The following RANBP17 variants were observed in gnomAD, a reference collection of about 807,000 sequenced individuals.
RANBP17 encodes ran-binding protein 17.
A neutral mutation model predicts 141.2 loss-of-function variants in RANBP17; 158 were observed. That is an observed-to-expected ratio of 1.12 (90% CI 0.98 to 1.28). RANBP17 has a LOEUF of 1.28. Among genes scored for constraint, RANBP17 ranks in the 50% most tolerant of loss-of-function variants. The pLI, the probability that RANBP17 is intolerant of heterozygous loss-of-function variation, is 0.00. For missense variants in RANBP17, 1,438 were observed against 1,290.7 expected (o/e 1.11, Z -1.75); for synonymous variants, 430 against 450.0 (o/e 0.96, Z 0.56).
chr5:171,254,786 T>C (rs1324082390), intron 24 of RANBP17, among the ~76,000 whole-genome samples: 1 of 152,234 alleles, frequency 6.6e-6, no homozygotes, highest in Non-Finnish European at 1.5e-5. Flanking sequence ...GGATGTTCTT[T>C]ATTAAACTCT....
At chr5:170,931,263 A>AT (rs1232501518) in intron 12 of RANBP17, among the ~76,000 whole-genome samples, 1 of 151,480 alleles carries the variant, frequency 6.6e-6, no homozygotes, top group African/African-American at 2.4e-5. Flanking sequence ...GGGTTGTTTG[A>AT]TTTTTTCTTG....
At chr5:171,218,267 A>G (rs1763344489) in intron 21 of RANBP17, among the ~76,000 whole-genome samples, 1 of 152,050 alleles carries the variant, frequency 6.6e-6, no homozygotes, top group Admixed American at 6.6e-5. Flanking sequence ...GTTTGTTATG[A>G]TTTCTGTTCA....
chr5:171,126,750 A>G (rs1226823536), intron 14 of RANBP17, among the ~76,000 whole-genome samples: 1 of 152,192 alleles, frequency 6.6e-6, no homozygotes, highest in African/African-American at 2.4e-5. Context: ...CTGTACACAT[A>G]CAACTTACCA....
intron 14 of RANBP17, chr5:171,158,623 C>A (rs1437194911): frequency 5.9e-6 from 1 of 169,938 alleles, no homozygotes; most frequent in Non-Finnish European, 1.3e-5. Context: ...TTTGTTGTAA[C>A]CTTTTTTTTT....
intron 14 of RANBP17, among the ~76,000 whole-genome samples, chr5:171,110,463 T>C (rs924239106): frequency 6.6e-6 from 1 of 152,132 alleles, no homozygotes; most frequent in Non-Finnish European, 1.5e-5. Context: ...AGCCGTCATA[T>C]CTATCTTCCT....
At chr5:171,177,675 C>T (rs2166348) in intron 16 of RANBP17, among the ~76,000 whole-genome samples, 1 of 152,116 alleles carries the variant, frequency 6.6e-6, no homozygotes, top group South Asian at 2.1e-4. Context: ...TAGCTTAATC[C>T]TTAGTCCTTT....
rs1417380472 is a variant in RANBP17, at chr5:171,040,356, T to C, written c.1710+71979T>C. On this transcript the variant is annotated intron_variant, in intron 14 of 27. Transcript: ENST00000523189. Reference sequence around the variant, plus strand: ...AGTCTCAGAGTCAGAGCCAGGGACTTTCTTAAATAATTTTAGAGCTTTTAG... The same window carrying C: ...AGTCTCAGAGTCAGAGCCAGGGACTCTCTTAAATAATTTTAGAGCTTTTAG... Among the ~76,000 whole-genome samples the C allele has an allele frequency of 3.3e-5, 5 of 152,308 alleles. No individual in the cohort carries two copies. In the East Asian group the frequency reaches 9.6e-4, roughly 29 times the overall value.
chr5:170,959,735 A>G (rs1360597805), intron 13 of RANBP17, among the ~76,000 whole-genome samples: 1 of 152,258 alleles, frequency 6.6e-6, no homozygotes, highest in Non-Finnish European at 1.5e-5. Flanking sequence ...AAAGGAAGCT[A>G]GAGAAAAGAA....
chr5:171,130,450 T>TTTC (rs1432634670), intron 14 of RANBP17, among the ~76,000 whole-genome samples: 1 of 146,298 alleles, frequency 6.8e-6, no homozygotes, highest in Non-Finnish European at 1.5e-5. Flanking sequence ...TTTTTTTTTT[T>TTTC]TTTGAGACGG....
At chr5:171,000,734 G>T (rs1018617413) in intron 14 of RANBP17, among the ~76,000 whole-genome samples, 1 of 152,148 alleles carries the variant, frequency 6.6e-6, no homozygotes, top group African/African-American at 2.4e-5. Flanking sequence ...GATAGGCAGT[G>T]AGTTAGGAGC....
rs1466541143 is a variant in RANBP17 at position 171,187,500 on chromosome 5, A to G, written c.2038+4070A>G. Among the ~76,000 whole-genome samples the G allele has an allele frequency of 3.3e-5, 5 of 152,102 alleles. No individual in the cohort carries two copies. In the East Asian group the frequency reaches 9.6e-4, roughly 29 times the overall value. ...ACAATAAAACAAGGTATGCCTGTCT[A>G]TATACTTCAAAACATGTTGTATACA... On this transcript the variant is annotated intron_variant, in intron 18 of 27. Transcript: ENST00000523189.
chr5:171,290,066 C>T (rs557163887), intron 25 of RANBP17, among the ~76,000 whole-genome samples: 4 of 151,876 alleles, frequency 2.6e-5, no homozygotes, highest in African/African-American at 9.7e-5. Flanking sequence ...TACCGCCTTG[C>T]CATAGAGAAA....
rs1768965578 is a variant in RANBP17 at position 171,298,584 on chromosome 5, T to C, written c.3171-178T>C. Among the ~76,000 whole-genome samples the C allele has an allele frequency of 2.0e-5, 3 of 152,222 alleles. No homozygotes were observed. The South Asian group carries it at 6.2e-4, about 31-fold the overall frequency. Reference sequence around the variant, plus strand: ...GGAAGAGATGAGGGGTTGGCAGTACTGGTGGCAGAACAGCAATGGCGGTGA... The same window carrying C: ...GGAAGAGATGAGGGGTTGGCAGTACCGGTGGCAGAACAGCAATGGCGGTGA... On this transcript the variant is annotated intron_variant, in intron 27 of 27. Coordinates refer to ENST00000523189, the MANE Select transcript of RANBP17 (RefSeq NM_022897.5).
intron 5 of RANBP17, among the ~76,000 whole-genome samples, chr5:170,904,978 C>T (rs979500134): frequency 5.3e-5 from 8 of 152,034 alleles, no homozygotes; most frequent in Non-Finnish European, 4.4e-5. Flanking sequence ...AACTTGTTTT[C>T]TCAAAAGAAT....
chr5:170,914,128 T>C (rs762430002), intron 7 of RANBP17, 39 bp from the exon 8 acceptor site: 1 of 1,312,890 alleles, frequency 7.6e-7, no homozygotes, highest in Non-Finnish European at 1.1e-6. Flanking sequence ...GATCACTGAA[T>C]TGAAAGTAAT....
chr5:170,985,797 C>G (rs971497360), intron 14 of RANBP17, among the ~76,000 whole-genome samples: 14 of 152,184 alleles, frequency 9.2e-5, no homozygotes, highest in African/African-American at 2.6e-4. Context: ...CCAAATAATT[C>G]AAATGGTATA....
At chr5:170,982,195 G>A (rs1051071245) in intron 14 of RANBP17, among the ~76,000 whole-genome samples, 2 of 152,126 alleles carry the variant, frequency 1.3e-5, no homozygotes, top group Non-Finnish European at 2.9e-5. Flanking sequence ...TGATGAAGAA[G>A]CTTATTCAAG....
intron 13 of RANBP17, among the ~76,000 whole-genome samples, chr5:170,954,830 G>A (rs1055665631): frequency 6.6e-6 from 1 of 152,016 alleles, no homozygotes; most frequent in African/African-American, 2.4e-5. Flanking sequence ...AATACCACAC[G>A]GTGTTCTGAA....
Position 170,953,464 on chromosome 5 carries a change from C to G in RANBP17, c.1469-133C>G, listed in dbSNP as rs919093063. 2.2e-5 allele frequency: 13 copies of G among 601,666 alleles called. 1 individual carries two copies. Among genetic ancestry groups the G allele is most frequent in the African/African-American group, 1.5e-4 (8 of 53,094 alleles). The allele number at this position is 601,666 out of a possible 1,614,324, so 37.3% of individuals were successfully genotyped here. On this transcript the variant is annotated intron_variant, in intron 12 of 27. Coordinates refer to ENST00000523189, the MANE Select transcript of RANBP17 (RefSeq NM_022897.5). Reference sequence around the variant, plus strand: ...ACTTAAAACCGATCTGCTTTCTATCCAGAACTGAGTTCACAATAATTTATC... The same window carrying G: ...ACTTAAAACCGATCTGCTTTCTATCGAGAACTGAGTTCACAATAATTTATC...
Sources: allele counts gnomAD v4.1 joint callset (sites outside exome capture counted in the v4.1 genomes callset), GRCh38; gene constraint gnomAD v4.1.1; transcripts MANE v1.5; gene names NCBI Gene and HGNC (gene_info 2026-07-23, HGNC 2026-07-21).